The following POU6F2 variants were observed in gnomAD, a reference collection of about 807,000 sequenced individuals.
POU6F2 encodes the protein POU class 6 homeobox 2, also known as POU domain, class 6, transcription factor 2.
A neutral mutation model predicts 71.3 loss-of-function variants in POU6F2; 31 were observed. The ratio of observed to expected loss-of-function variants is 0.43; its 90% CI spans 0.33 to 0.59. The LOEUF (loss-of-function observed/expected upper bound fraction) is 0.59. Among genes scored for constraint, POU6F2 ranks in the 20% least tolerant of loss-of-function variants. The probability of loss-of-function intolerance (pLI) is 0.04; values close to 1 mark genes in which losing one functional copy is unlikely to be tolerated. For synonymous variants in POU6F2, 347 were observed against 355.7 expected (o/e 0.98, Z 0.27); for missense variants, 783 against 856.8 (o/e 0.91, Z 1.07).
At chr7:39,399,552 G>A (rs1787251788) in intron 5 of POU6F2, among the ~76,000 whole-genome samples, 2 of 152,190 alleles carry the variant, frequency 1.3e-5, no homozygotes, top group Admixed American at 1.3e-4. Context: ...CAAATGAAGA[G>A]ACACATAAAG....
rs768164622 is a variant in POU6F2 at position 39,207,492 on chromosome 7, C to T, written c.470C>T (p.Ala157Val). 16 of 1,613,970 alleles carry T rather than the reference C, an allele frequency of 9.9e-6. No individual in the cohort carries two copies. The highest frequency in any genetic ancestry group is 1.3e-5 in the Non-Finnish European group (15 of 1,179,880). The change falls in exon 4 of 10, where the codon GCG becomes GTG. Residue 157 changes from alanine to valine, a missense_variant. Transcript: ENST00000518318. ...NQPILIPFNMAGQLGGQQGLV... is the reference protein window; with the variant it reads ...NQPILIPFNMVGQLGGQQGLV... ...CCAATCCTCATTCCCTTCAACATGG[C>T]GGGACAGCTAGGAGGCCAGCAAGGA...
chr7:39,337,381 G>A (rs944944231), intron 4 of POU6F2, among the ~76,000 whole-genome samples: 5 of 152,136 alleles, frequency 3.3e-5, no homozygotes, highest in Non-Finnish European at 4.4e-5. Context: ...CCTATGTCGT[G>A]TATAGTAACA....
At chr7:39,248,756 G>A (rs564412259) in intron 4 of POU6F2, among the ~76,000 whole-genome samples, 24 of 152,258 alleles carry the variant, frequency 1.6e-4, no homozygotes, top group African/African-American at 5.8e-4. Flanking sequence ...TTAATTTAGA[G>A]ACTAAACTAC....
At chr7:39,119,531 G>C (rs1481245144) in intron 2 of POU6F2, among the ~76,000 whole-genome samples, 1 of 152,062 alleles carries the variant, frequency 6.6e-6, no homozygotes, top group East Asian at 1.9e-4. Flanking sequence ...AGAGAATTCA[G>C]TTCTCACCCT....
chr7:39,086,017 C>T lies in POU6F2; in HGVS notation c.263C>T (p.Pro88Leu), dbSNP rs775234645. Residue 88 changes from proline (P) to leucine (L), a missense_variant, in exon 2 of 10, where the codon CCC becomes CTC. Physicochemically the swap from Pro to Leu is moderately conservative, Grantham distance 98. Transcript: ENST00000518318. ...PVESNDSEDT[P>L]SKLFGARGNP... ...GAATCAAATGACAGCGAGGACACTC[C>T]CAGCAAGCTCTTCGGTAAGTCTGTC... The T allele has an allele frequency of 1.2e-6, 2 of 1,613,476 alleles. No individual in the cohort carries two copies. Among genetic ancestry groups the T allele is most frequent in the Non-Finnish European group, 1.7e-6 (2 of 1,179,698 alleles).
chr7:39,458,691 G>A (rs1157234680), intron 8 of POU6F2, among the ~76,000 whole-genome samples: 1 of 152,094 alleles, frequency 6.6e-6, no homozygotes, highest in Admixed American at 6.6e-5. Context: ...CATCTTAACA[G>A]TCAAACCAAT....
At chr7:39,429,037 A>C (rs1275158566) in intron 6 of POU6F2, among the ~76,000 whole-genome samples, 1 of 151,432 alleles carries the variant, frequency 6.6e-6, no homozygotes, top group Non-Finnish European at 1.5e-5. Context: ...TGGGTGCAGC[A>C]CACCAACATG....
intron 4 of POU6F2, among the ~76,000 whole-genome samples, chr7:39,262,366 G>C (rs902186732): frequency 1.3e-5 from 2 of 152,148 alleles, no homozygotes; most frequent in Admixed American, 6.5e-5. Flanking sequence ...TGGAGATCCT[G>C]ACAAGCCCAA....
At chr7:39,156,607 A>C (rs1043408483) in intron 2 of POU6F2, among the ~76,000 whole-genome samples, 1 of 152,100 alleles carries the variant, frequency 6.6e-6, no homozygotes, top group Non-Finnish European at 1.5e-5. Flanking sequence ...ACTTTAATAC[A>C]TGGAGGACTT....
intron 1 of POU6F2, among the ~76,000 whole-genome samples, chr7:39,079,930 T>C (rs1791082005): frequency 6.6e-6 from 1 of 151,990 alleles, no homozygotes; most frequent in South Asian, 2.1e-4. Context: ...CCACTTTTTT[T>C]CCAAAATAAT....
intron 1 of POU6F2, among the ~76,000 whole-genome samples, chr7:39,053,270 A>C (rs1034378370): frequency 3.3e-5 from 5 of 152,148 alleles, no homozygotes; most frequent in African/African-American, 1.2e-4. Context: ...GAAAGTAAGC[A>C]TTCACTAGGA....
intron 4 of POU6F2, among the ~76,000 whole-genome samples, chr7:39,307,221 T>C (rs946314437): frequency 7.9e-5 from 12 of 152,238 alleles, no homozygotes; most frequent in African/African-American, 2.9e-4. Context: ...CAGAATATTC[T>C]TTCTACAATG....
chr7:39,260,016 C>T (rs1339140058), intron 4 of POU6F2, among the ~76,000 whole-genome samples: 1 of 151,154 alleles, frequency 6.6e-6, no homozygotes, highest in Admixed American at 6.6e-5. Context: ...CCACACCATA[C>T]CATGCTCACA....
chr7:39,091,140 A>G (rs1458107409), intron 2 of POU6F2, among the ~76,000 whole-genome samples: 3 of 152,202 alleles, frequency 2.0e-5, no homozygotes, highest in East Asian at 1.9e-4. Context: ...AATAACATTC[A>G]TTTGTAAGCT....
intron 5 of POU6F2, among the ~76,000 whole-genome samples, chr7:39,394,062 G>C (rs1787127942): frequency 1.3e-5 from 2 of 152,258 alleles, no homozygotes; most frequent in South Asian, 4.1e-4. Flanking sequence ...ATAAATAAAA[G>C]ACTTCCAGCT....
At chr7:39,311,195 A>G (rs1562785859) in intron 4 of POU6F2, among the ~76,000 whole-genome samples, 2 of 152,086 alleles carry the variant, frequency 1.3e-5, no homozygotes, top group Non-Finnish European at 2.9e-5. Flanking sequence ...TAAGGAAAAA[A>G]AAAGTTCAAG....
chr7:39,378,450 G>A (rs1394788486), intron 5 of POU6F2, among the ~76,000 whole-genome samples: 1 of 152,138 alleles, frequency 6.6e-6, no homozygotes, highest in African/African-American at 2.4e-5. Context: ...TCATGATGTG[G>A]CATATTGGTG....
chr7:39,079,180 CTTTTTTTTT>C (rs1162865518), intron 1 of POU6F2, among the ~76,000 whole-genome samples: 2,141 of 79,386 alleles, frequency 0.027, 27 homozygotes, highest in Middle Eastern at 0.045. Context: ...CTCACAATAT[CTTTTTTTTT>C]TTTTTTTTTT....
At chr7:39,371,698 C>T (rs151192335) in intron 5 of POU6F2, among the ~76,000 whole-genome samples, 253 of 152,252 alleles carry the variant, frequency 1.7e-3, no homozygotes, top group Non-Finnish European at 2.4e-3. Context: ...CTGTGGTTAC[C>T]CTCTGTCATT....
Sources: gnomAD v4.1 joint callset for allele counts (sites outside exome capture counted in the v4.1 genomes callset) on GRCh38, gnomAD v4.1.1 for gene constraint, MANE v1.5 for transcripts, NCBI Gene and HGNC (gene_info 2026-07-23, HGNC 2026-07-21) for gene names.